The following WDFY4 variants were observed in gnomAD, a reference collection of about 807,000 sequenced individuals.
WDFY4 encodes the protein WDFY family member 4.
In WDFY4, 169 loss-of-function variants were observed where a neutral mutation model predicts 351.9. The ratio of observed to expected loss-of-function variants is 0.48; its 90% CI spans 0.42 to 0.55. The LOEUF (loss-of-function observed/expected upper bound fraction) is 0.55. WDFY4 is among the 20% of genes least tolerant of loss of function. The pLI, the probability that WDFY4 is intolerant of heterozygous loss-of-function variation, is 0.00. For missense variants in WDFY4, 3,803 were observed against 3,935.6 expected, an observed-to-expected ratio of 0.97 and a Z score of 0.90; for synonymous variants, 1,622 against 1,574.6, an observed-to-expected ratio of 1.03 and a Z score of -0.71.
intron 40 of WDFY4, among the ~76,000 whole-genome samples, chr10:48,872,583 A>G (rs934404205): frequency 1.3e-5 from 2 of 152,258 alleles, no homozygotes; most frequent in Admixed American, 6.5e-5. Context: ...AATGTGGGAC[A>G]AATTCCATAA....
At chr10:48,725,536 T>C (rs1162671301) in intron 5 of WDFY4, among the ~76,000 whole-genome samples, 2 of 152,258 alleles carry the variant, frequency 1.3e-5, no homozygotes, top group Admixed American at 6.5e-5. Flanking sequence ...CCTTTTTAAA[T>C]AGCACAAGGT....
chr10:48,735,735 C>G (rs1199146728), intron 10 of WDFY4, 145 bp from the exon 11 acceptor site: 1 of 806,048 alleles, frequency 1.2e-6, no homozygotes, highest in Non-Finnish European at 1.9e-6. Context: ...TATGGGTTAC[C>G]AAAAAATCTA....
At chr10:48,836,849 C>T (rs1476743228) in intron 39 of WDFY4, among the ~76,000 whole-genome samples, 2 of 152,102 alleles carry the variant, frequency 1.3e-5, no homozygotes, top group African/African-American at 2.4e-5. Flanking sequence ...TCATGTCCAC[C>T]ATCTGCCTGG....
chr10:48,872,751 C>T (rs1589789117), intron 40 of WDFY4, among the ~76,000 whole-genome samples: 1 of 152,152 alleles, frequency 6.6e-6, no homozygotes, highest in Non-Finnish European at 1.5e-5. Context: ...TTGAGTCATA[C>T]TGTAGTAGCA....
chr10:48,909,404 A>G (rs1173539503), intron 47 of WDFY4: 4 of 152,098 alleles, frequency 2.6e-5, no homozygotes, highest in Non-Finnish European at 4.4e-5. Flanking sequence ...TTTCTATATA[A>G]CTTTTTGTAT....
intron 31 of WDFY4, among the ~76,000 whole-genome samples, chr10:48,815,608 A>AC (rs2067593113): frequency 6.6e-6 from 1 of 152,100 alleles, no homozygotes; most frequent in Non-Finnish European, 1.5e-5. Context: ...ACAGGTGTGC[A>AC]CCACCAATGC....
rs2063730420 is a variant in WDFY4 at position 48,710,057 on chromosome 10, C to T, written c.234+91C>T. 8 of 1,220,102 alleles carry T rather than the reference C, an allele frequency of 6.6e-6. No homozygotes were observed. The East Asian group carries it at 2.0e-4, about 31-fold the overall frequency. The allele number at this position is 1,220,102 out of a possible 1,614,324, so 75.6% of individuals were successfully genotyped here. On this transcript the variant is annotated intron_variant, in intron 2 of 61. Coordinates refer to ENST00000325239, the MANE Select transcript of WDFY4 (RefSeq NM_001394531.1). ...ATAGTGAAGTTGATGGTTTTAATGT[C>T]ATCCCAAGTGGACTCTGATTGGTTG...
intron 1 of WDFY4, among the ~76,000 whole-genome samples, chr10:48,706,545 T>TA (rs950878220): frequency 2.0e-5 from 3 of 151,774 alleles, no homozygotes; most frequent in African/African-American, 7.3e-5. Flanking sequence ...TTATCAGGGT[T>TA]AAAAAAAAGG....
intron 2 of WDFY4, among the ~76,000 whole-genome samples, chr10:48,715,200 C>T (rs969673686): frequency 6.6e-6 from 1 of 152,254 alleles, no homozygotes; most frequent in Admixed American, 6.5e-5. Flanking sequence ...GATCTCTTAG[C>T]TCCCATTAGC....
At chr10:48,724,113 A>AGT (rs2064184078) in intron 5 of WDFY4, among the ~76,000 whole-genome samples, 1 of 152,098 alleles carries the variant, frequency 6.6e-6, no homozygotes, top group Non-Finnish European at 1.5e-5. Context: ...ACTTCCGGGC[A>AGT]GTTTCTGCTT....
In WDFY4 at chr10:48,969,135, A is replaced by G. The variant is rs1463133556; in HGVS notation, c.8656A>G (p.Thr2886Ala). 3 of 1,551,624 alleles carry G rather than the reference A, an allele frequency of 1.9e-6. No individual in the cohort carries two copies. Among genetic ancestry groups the G allele is most frequent in the South Asian group, 1.2e-5 (1 of 84,058 alleles). ...TGGCCACATTGTCTCTACTGAGAAG[A>G]CCATTCTGGCTGTAGAGAGGAACAA... The part of the protein sequence containing the change: ...AIGHIVSTEK[T>A]ILAVERNKVL... Residue 2886 changes from threonine to alanine, a missense_variant, in exon 56 of 62, where the codon ACC becomes GCC. Transcript: ENST00000325239.
At chr10:48,745,789 A>G (rs2064992515) in intron 12 of WDFY4, 1 of 418,960 alleles carries the variant, frequency 2.4e-6, no homozygotes, top group Admixed American at 3.7e-5. Flanking sequence ...AGAAACACCC[A>G]TCTAGTTTTC....
Position 48,731,465 on chromosome 10 carries a change from T to A in WDFY4, c.1485T>A (p.Gly495=), listed in dbSNP as rs1176010424. Residue 495 remains glycine (G), a synonymous_variant, in exon 9 of 62, where the codon GGT becomes GGA. Transcript: ENST00000325239. ...MALQSILSIA[G]GDPLFTDIFR... is the part of the protein sequence containing the mutation. The stretch of plus-strand genomic sequence containing the variant: ...TGCAGAGCATCCTCAGCATCGCTGG[T>A]GGGGACCCCCTCTTCACCGACATCT... 6.4e-7 allele frequency: 1 copy of A among 1,551,532 alleles called. No homozygotes were observed. The highest frequency in any genetic ancestry group is 2.4e-5 in the East Asian group (1 of 40,932).
At chr10:48,812,553 A>C (rs773582940) in intron 30 of WDFY4, among the ~76,000 whole-genome samples, 4 of 151,986 alleles carry the variant, frequency 2.6e-5, no homozygotes, top group African/African-American at 4.8e-5. Flanking sequence ...ATAAGCCATA[A>C]TTATGTTCAG....
At chr10:48,728,933 C>T (rs1038089727) in intron 7 of WDFY4, among the ~76,000 whole-genome samples, 3 of 152,200 alleles carry the variant, frequency 2.0e-5, no homozygotes, top group Non-Finnish European at 4.4e-5. Flanking sequence ...AGAACTTTTC[C>T]TCTGGAAATG....
chr10:48,896,559 G>T (rs1223942746), intron 44 of WDFY4, among the ~76,000 whole-genome samples: 1 of 152,198 alleles, frequency 6.6e-6, no homozygotes, highest in African/African-American at 2.4e-5. Flanking sequence ...CAGGGCCCAG[G>T]CCAGGCTGGG....
intron 18 of WDFY4, 150 bp from the exon 19 acceptor site, chr10:48,779,791 C>T: frequency 1.4e-6 from 1 of 720,120 alleles, no homozygotes. Context: ...GCTGCTATTG[C>T]TGCTGCTGTT....
rs144104825 is a variant in WDFY4, at chr10:48,723,395, C to T, written c.457-38C>T. 8.0e-4 allele frequency: 1,236 copies of T among 1,544,240 alleles called. 11 individuals are homozygous for T. The African/African-American group carries it at 0.015, about 19-fold the overall frequency. ...GGTCTGGGCTGACCTGCTTCTGCTGCCTTGCTGCCTGGGGTCACGTGTGCT... is the reference window on the plus strand; with the variant it reads ...GGTCTGGGCTGACCTGCTTCTGCTGTCTTGCTGCCTGGGGTCACGTGTGCT... On this transcript the variant is annotated intron_variant, in intron 4 of 61. Transcript: ENST00000325239.
intron 40 of WDFY4, among the ~76,000 whole-genome samples, chr10:48,870,836 G>A (rs1386589753): frequency 2.6e-5 from 4 of 152,140 alleles, no homozygotes; most frequent in Non-Finnish European, 2.9e-5. Flanking sequence ...TCACACCATT[G>A]TCTGACTACA....
Sources: gnomAD v4.1 joint callset for allele counts (sites outside exome capture counted in the v4.1 genomes callset) on GRCh38, gnomAD v4.1.1 for gene constraint, MANE v1.5 for transcripts, NCBI Gene and HGNC (gene_info 2026-07-23, HGNC 2026-07-21) for gene names.